The following TTC7A variants were observed in gnomAD, a reference collection of about 807,000 sequenced individuals.
TTC7A encodes the protein tetratricopeptide repeat domain 7A.
A neutral mutation model predicts 103.7 loss-of-function variants in TTC7A; 110 were observed. The ratio of observed to expected loss-of-function variants is 1.06; its 90% confidence interval spans 0.91 to 1.24. TTC7A has a LOEUF of 1.24. TTC7A is among the 50% of genes most tolerant of loss of function. The probability of loss-of-function intolerance (pLI) is 0.00; values close to 1 mark genes in which losing one functional copy is unlikely to be tolerated. For synonymous variants in TTC7A, 521 were observed against 467.9 expected (o/e 1.11, Z -1.47); for missense variants, 1,340 against 1,116.3 (o/e 1.20, Z -2.86).
chr2:47,038,629 T>TTGGG (rs1681394197), intron 15 of TTC7A, among the ~76,000 whole-genome samples: 1 of 86,984 alleles, frequency 1.1e-5, no homozygotes, highest in Non-Finnish European at 2.3e-5. Context: ...TGCTGCCACT[T>TTGGG]CCCACCCACC....
At chr2:47,067,937 A>G (rs564061556) in intron 19 of TTC7A, 2 of 152,340 alleles carry the variant, frequency 1.3e-5, no homozygotes, top group East Asian at 1.9e-4. Flanking sequence ...CTGAGTCCAC[A>G]GGGGAAGCTG....
At chr2:47,013,261 G>A (rs1371301220) in intron 11 of TTC7A, among the ~76,000 whole-genome samples, 1 of 152,170 alleles carries the variant, frequency 6.6e-6, no homozygotes, top group African/African-American at 2.4e-5. Context: ...ATGAGTATCA[G>A]GGAACCCTTG....
rs7565683 is a variant in TTC7A, at chr2:47,021,695, A to C, written c.1393-167A>C. ...GGGTTCATGCTCTCAGCAGAACAAA[A>C]TTTGGGGAGCTGGGATCTCTGGGGC... On this transcript the variant is annotated intron_variant, in intron 11 of 19. Transcript: ENST00000319190. Among the ~76,000 whole-genome samples, 17,942 of 152,236 alleles carry C rather than the reference A, an allele frequency of 0.12. 1,288 individuals carry two copies. The highest frequency in any genetic ancestry group is 0.2 in the African/African-American group (8,205 of 41,536).
intron 3 of TTC7A, among the ~76,000 whole-genome samples, chr2:46,966,074 C>T (rs1199690453): frequency 3.9e-5 from 6 of 152,074 alleles, no homozygotes; most frequent in Admixed American, 1.3e-4. Context: ...CTCCGCCTCC[C>T]GAGTAGCTGG....
chr2:47,006,009 C>G lies in TTC7A; in HGVS notation c.1153C>G (p.Leu385Val). 6.2e-7 allele frequency: 1 copy of G among 1,613,872 alleles called. No individual in the cohort carries two copies. Among genetic ancestry groups the G allele is most frequent in the South Asian group, 1.1e-5 (1 of 91,054 alleles). ...SLQNAAAIYDLLSITLGRRGQ... is the reference protein window; with the variant it reads ...SLQNAAAIYDVLSITLGRRGQ... ...GCAGAATGCCGCAGCCATCTATGAC[C>G]TCCTGAGCATCACGTTGGGCAGAAG... Residue 385 changes from leucine (L) to valine (V), a missense_variant, in exon 9 of 20, where the codon CTC becomes GTC. Leu to Val is a conservative substitution (Grantham distance 32). Coordinates refer to ENST00000319190, the MANE Select transcript of TTC7A (RefSeq NM_020458.4).
At chr2:47,010,073 G>A (rs886109465) in intron 10 of TTC7A, among the ~76,000 whole-genome samples, 4 of 152,040 alleles carry the variant, frequency 2.6e-5, no homozygotes, top group South Asian at 2.1e-4. Flanking sequence ...TGACTTCTCC[G>A]CATTTCAGTT....
chr2:46,960,512 T>C (rs961568284), intron 3 of TTC7A, among the ~76,000 whole-genome samples: 4 of 152,172 alleles, frequency 2.6e-5, no homozygotes, highest in African/African-American at 9.7e-5. Context: ...AGCAGGATGA[T>C]CACATGTGCA....
intron 16 of TTC7A, among the ~76,000 whole-genome samples, chr2:47,049,281 C>T (rs535645537): frequency 3.9e-5 from 6 of 152,206 alleles, no homozygotes; most frequent in South Asian, 4.1e-4. Flanking sequence ...AGGATGGCCA[C>T]GGCGGGCTTA....
At chr2:47,011,294 T>A in intron 10 of TTC7A, 37 bp from the exon 11 acceptor site, 1 of 1,589,560 alleles carries the variant, frequency 6.3e-7, no homozygotes, top group Non-Finnish European at 8.6e-7. Flanking sequence ...GATCCAGGAC[T>A]GTGAGTGACA....
At chr2:47,048,476 A>G (rs1475945306) in intron 16 of TTC7A, among the ~76,000 whole-genome samples, 1 of 152,236 alleles carries the variant, frequency 6.6e-6, no homozygotes, top group Non-Finnish European at 1.5e-5. Context: ...TGTGATGGAC[A>G]TTCTCATGAC....
At chr2:46,940,253 G>GC (rs1252483577), upstream of TTC7A, among the ~76,000 whole-genome samples, 1 of 152,180 alleles carries the variant, frequency 6.6e-6, no homozygotes, top group African/African-American at 2.4e-5. The surrounding 1 kb of genome is among the most constrained non-coding windows in gnomAD (Gnocchi z 4.7). Flanking sequence ...TAACTCTTAG[G>GC]AGTCTGCTCA....
intron 15 of TTC7A, among the ~76,000 whole-genome samples, chr2:47,040,713 T>C (rs1470075451): frequency 2.6e-5 from 4 of 152,190 alleles, no homozygotes; most frequent in Admixed American, 1.3e-4. Context: ...CCCTGTGTGC[T>C]GGAGAGCTGA....
intron 3 of TTC7A, among the ~76,000 whole-genome samples, chr2:46,966,660 CTT>C (rs759580571): frequency 5.3e-4 from 72 of 135,184 alleles, no homozygotes; most frequent in Admixed American, 6.7e-4. Context: ...GTATACATCA[CTT>C]TTTTTTTTTT....
chr2:47,054,669 C>T (rs959588575), intron 18 of TTC7A, among the ~76,000 whole-genome samples: 3 of 152,008 alleles, frequency 2.0e-5, no homozygotes, highest in Non-Finnish European at 2.9e-5. Context: ...CCCATCTCTA[C>T]TAAAAATACA....
chr2:47,011,360 G>C lies in TTC7A; in HGVS notation c.1317G>C (p.Glu439Asp), dbSNP rs991295194. ...KSAYAVSLLRECVKLRPSDPT... is the reference protein window; with the variant it reads ...KSAYAVSLLRDCVKLRPSDPT... ...CCTACGCTGTGTCCCTGCTGCGGGA[G>C]TGTGTGAAGTTGCGGCCCTCGGACC... The change falls in exon 11 of 20, where the codon GAG becomes GAC. Residue 439 changes from glutamate (E) to aspartate (D), a missense_variant. Transcript: ENST00000319190. 1 of 1,613,308 alleles carries C rather than the reference G, an allele frequency of 6.2e-7. No homozygotes were observed. The highest frequency in any genetic ancestry group is 1.7e-4 in the Middle Eastern group (1 of 6,060).
chr2:47,044,347 C>T lies in TTC7A; in HGVS notation c.1803-1968C>T, dbSNP rs540243170. 1.7e-4 allele frequency among the ~76,000 whole-genome samples: 26 copies of T among 152,348 alleles called. No homozygotes were observed. In the South Asian group the frequency reaches 5.4e-3, roughly 32 times the overall value. On this transcript the variant is annotated intron_variant, in intron 15 of 19. Transcript: ENST00000319190. ...TCGAAGGCAGCCATTGTGTTTTCTT[C>T]TTCATATTCCCGAAAGCACAGGCCC...
intron 3 of TTC7A, among the ~76,000 whole-genome samples, chr2:46,968,595 A>G (rs1673064140): frequency 6.6e-6 from 1 of 152,186 alleles, no homozygotes; most frequent in Admixed American, 6.5e-5. Context: ...TGCTTAGGAA[A>G]AGCCACTGCC....
Position 46,943,117 on chromosome 2 carries a change from G to A in TTC7A, c.184+1392G>A, listed in dbSNP as rs938431874. 4.6e-5 allele frequency among the ~76,000 whole-genome samples: 7 copies of A among 152,162 alleles called. No individual in the cohort carries two copies. The East Asian group carries it at 9.6e-4, about 21-fold the overall frequency. ...GACGGGGTTTCGCCATGTTGCCCAG[G>A]CTGATCTCCAACTAGGCTGAAGCAT... On this transcript the variant is annotated intron_variant, in intron 1 of 19. Coordinates refer to ENST00000319190, the MANE Select transcript of TTC7A (RefSeq NM_020458.4).
At chr2:46,961,239 T>A (rs1473102530) in intron 3 of TTC7A, among the ~76,000 whole-genome samples, 1 of 152,212 alleles carries the variant, frequency 6.6e-6, no homozygotes, top group Non-Finnish European at 1.5e-5. Flanking sequence ...ATTACCATTC[T>A]TGTTTGTTTG....
Sources: gnomAD v4.1 joint callset for allele counts (sites outside exome capture counted in the v4.1 genomes callset) on GRCh38, gnomAD v4.1.1 for gene constraint, Gnocchi (gnomAD v3.1) non-coding constraint, MANE v1.5 for transcripts, NCBI Gene and HGNC (gene_info 2026-07-23, HGNC 2026-07-21) for gene names.